CIT: variants seen among roughly 807,000 people sequenced by gnomAD.
CIT encodes the protein citron rho-interacting serine/threonine kinase.
CIT carries 79 observed loss-of-function variants against 272.7 expected under a neutral mutation model. That is an observed-to-expected ratio of 0.29 (90% confidence interval 0.24 to 0.35). The LOEUF is 0.35. Ranked by LOEUF, CIT falls within the 10% of genes least tolerant of loss-of-function variation. The pLI is 1.00. For synonymous variants in CIT, 948 were observed against 995.6 expected (o/e 0.95, Z 0.90); for missense variants, 1,909 against 2,618.3 (o/e 0.73, Z 5.91).
At position 119,717,948 on chromosome 12, in the gene CIT, C is replaced by T. The variant is rs1295890428; in HGVS notation, c.4168+297G>A. Among the ~76,000 whole-genome samples the T allele has an allele frequency of 6.7e-5, 10 of 149,062 alleles. No individual in the cohort carries two copies. In the Admixed American group the frequency reaches 6.7e-4, roughly 10 times the overall value. On this transcript the variant is annotated intron_variant, in intron 32 of 47. Transcript: ENST00000392521. ...CTCCGCCTCCCGGATTCAAGCAATT[C>T]TCCTGCCTCAGCCTCCCGAGTAGCT...
At position 119,781,681 on chromosome 12, in the gene CIT, T is replaced by C. The variant is rs566940844; in HGVS notation, c.1665+837A>G. Among the ~76,000 whole-genome samples, 4 of 146,594 alleles carry C rather than the reference T, an allele frequency of 2.7e-5. No individual in the cohort carries two copies. The South Asian group carries it at 8.7e-4, about 32-fold the overall frequency. On this transcript the variant is annotated intron_variant, in intron 13 of 47. Transcript: ENST00000392521. ...ACCCGTTTAGAAAGAAAAAAAAGAG[T>C]GGGCTTTTTAAAGGTCTCGATTCTC...
intron 5 of CIT, among the ~76,000 whole-genome samples, chr12:119,837,775 T>C (rs943275720): frequency 1.3e-5 from 2 of 152,140 alleles, no homozygotes; most frequent in South Asian, 2.1e-4. Context: ...AAGTGCTTGT[T>C]AAAAATAAGA....
Position 119,728,922 on chromosome 12 carries a change from C to T in CIT, c.3487-316G>A, listed in dbSNP as rs982171127. Reference sequence around the variant, plus strand: ...TAATTAAATAATCATACGCTGAATGCTTACTACCTGCATTATAGCTTTTAG... The same window carrying T: ...TAATTAAATAATCATACGCTGAATGTTTACTACCTGCATTATAGCTTTTAG... On this transcript the variant is annotated intron_variant, in intron 27 of 47. Coordinates refer to ENST00000392521, the MANE Select transcript of CIT (RefSeq NM_001206999.2). This position sits in a 1 kb window ranked among gnomAD's most constrained non-coding sequence, Gnocchi z 4.3. Among the ~76,000 whole-genome samples, 2 of 152,166 alleles carry T rather than the reference C, an allele frequency of 1.3e-5. No individual in the cohort carries two copies. Among genetic ancestry groups the T allele is most frequent in the Non-Finnish European group, 2.9e-5 (2 of 68,028 alleles).
chr12:119,702,136 G>A (rs1432431525), intron 41 of CIT, among the ~76,000 whole-genome samples, 178 bp from the exon 42 acceptor site: 4 of 146,670 alleles, frequency 2.7e-5, no homozygotes, highest in South Asian at 2.2e-4. Context: ...ACAAGATCTC[G>A]CTCTGTCACC....
intron 13 of CIT, among the ~76,000 whole-genome samples, chr12:119,777,697 C>A (rs1288076114): frequency 1.3e-5 from 2 of 150,502 alleles, no homozygotes; most frequent in Middle Eastern, 3.2e-3. Context: ...CAAAAAAAAA[C>A]ACTTTTAATG....
intron 9 of CIT, among the ~76,000 whole-genome samples, chr12:119,803,944 T>C (rs917555930): frequency 5.3e-5 from 8 of 152,086 alleles, no homozygotes; most frequent in African/African-American, 1.9e-4. Flanking sequence ...TGCAGTCTAC[T>C]TCATTCATAC....
rs375351743 is a variant in CIT, at chr12:119,710,509, C to T, written c.4935+31G>A. ...TTGATGGGGTGTGGCTGTAACCAGA[C>T]ACCAGCTGGCCGTGCCCATGCAAGC... On this transcript the variant is annotated intron_variant, in intron 38 of 47. Transcript: ENST00000392521. This position sits in a 1 kb window ranked among gnomAD's most constrained non-coding sequence, Gnocchi z 5.6. 1.5e-5 allele frequency: 25 copies of T among 1,613,688 alleles called. No homozygotes were observed. The African/African-American group carries it at 2.4e-4, about 15-fold the overall frequency.
chr12:119,736,895 A>G (rs1385025098), intron 24 of CIT, among the ~76,000 whole-genome samples: 1 of 152,226 alleles, frequency 6.6e-6, no homozygotes, highest in African/African-American at 2.4e-5. Flanking sequence ...TTCCCAAAGA[A>G]AAATAAGACA....
chr12:119,701,573 C>G, intron 43 of CIT, 51 bp downstream of exon 43: 1 of 1,597,664 alleles, frequency 6.3e-7, no homozygotes, highest in Non-Finnish European at 8.5e-7. Flanking sequence ...CCTCATGGGT[C>G]CCTAGTGTCC....
In CIT at chr12:119,825,359, T is replaced by A; in HGVS notation, c.763A>T (p.Lys255Ter). Residue 255 changes from lysine (K) to a stop codon, truncating the protein, a stop_gained, in exon 8 of 48, where the codon AAA becomes TAA. Transcript: ENST00000392521. LOFTEE classifies it high-confidence loss of function. ...KMNSNKMVNA[K>*]LPIGTPDYMA... ...TAATCTGGGGTCCCAATCGGGAGTT[T>A]GGCATTCACCTAGAATCCCATCAAT... is the stretch of plus-strand genomic sequence containing the variant. 6.2e-7 allele frequency: 1 copy of A among 1,613,988 alleles called. No individual in the cohort carries two copies. Among genetic ancestry groups the A allele is most frequent in the Non-Finnish European group, 8.5e-7 (1 of 1,179,990 alleles).
chr12:119,710,680 C>G lies in CIT; in HGVS notation c.4855-60G>C. On this transcript the variant is annotated intron_variant, in intron 37 of 47. Coordinates refer to ENST00000392521, the MANE Select transcript of CIT (RefSeq NM_001206999.2). The surrounding 1 kb of genome is among the most constrained non-coding windows in gnomAD (Gnocchi z 5.6). ...CATCGTGAGGCTGATCTGTTTATGA[C>G]CAAACCATCCAGAGAAACCAAGAGA... The G allele has an allele frequency of 6.8e-7, 1 of 1,480,728 alleles. No individual in the cohort carries two copies. The allele number at this position is 1,480,728 out of a possible 1,614,324, so 91.7% of individuals were successfully genotyped here.
intron 5 of CIT, among the ~76,000 whole-genome samples, chr12:119,835,206 G>A (rs1346349542): frequency 2.0e-5 from 3 of 152,188 alleles, no homozygotes; most frequent in South Asian, 2.1e-4. Flanking sequence ...TAGCTATAAG[G>A]CCAGTTAGCC....
At chr12:119,775,988 C>A in intron 15 of CIT, 149 bp from the exon 16 acceptor site, 1 of 633,840 alleles carries the variant, frequency 1.6e-6, no homozygotes, top group Non-Finnish European at 2.7e-6. Flanking sequence ...GAACAGTGGC[C>A]TCTCAGGGAA....
chr12:119,827,146 C>T (rs1233758652), intron 7 of CIT, among the ~76,000 whole-genome samples: 1 of 152,104 alleles, frequency 6.6e-6, no homozygotes, highest in African/African-American at 2.4e-5. Context: ...ATAAAACTTC[C>T]CCTGTAAGTG....
At chr12:119,725,140 T>G (rs994667341) in intron 28 of CIT, among the ~76,000 whole-genome samples, 1 of 152,034 alleles carries the variant, frequency 6.6e-6, no homozygotes, top group Non-Finnish European at 1.5e-5. Flanking sequence ...AGTCTCCTTA[T>G]AGGCCAGGCA....
At chr12:119,787,925 C>T (rs1964953539) in intron 10 of CIT, among the ~76,000 whole-genome samples, 1 of 152,138 alleles carries the variant, frequency 6.6e-6, no homozygotes, top group Non-Finnish European at 1.5e-5. Context: ...CAGTGCCTGG[C>T]ACACTGCAAG....
At chr12:119,725,260 T>C (rs1302260992) in intron 28 of CIT, among the ~76,000 whole-genome samples, 1 of 151,788 alleles carries the variant, frequency 6.6e-6, no homozygotes, top group African/African-American at 2.4e-5. Context: ...TTGTCTCTAC[T>C]AAAAATACAA....
chr12:119,703,311 C>T (rs1425724302), intron 41 of CIT, among the ~76,000 whole-genome samples: 2 of 152,074 alleles, frequency 1.3e-5, no homozygotes, highest in Admixed American at 6.6e-5. Flanking sequence ...CAGTCCCTTA[C>T]AGGGTGGGCA....
rs1396732969 is a variant in CIT, at chr12:119,770,757, T to A, written c.2208+28A>T. 1.2e-6 allele frequency: 2 copies of A among 1,612,718 alleles called. No individual in the cohort carries two copies. The highest frequency in any genetic ancestry group is 3.3e-5 in the Admixed American group (2 of 60,020). On this transcript the variant is annotated intron_variant, in intron 18 of 47. Coordinates refer to ENST00000392521, the MANE Select transcript of CIT (RefSeq NM_001206999.2). This position sits in a 1 kb window ranked among gnomAD's most constrained non-coding sequence, Gnocchi z 4.4. The stretch of plus-strand genomic sequence containing the variant: ...TTGCAAACTCTAACCTGTTATCTTT[T>A]AACTTTGCGACTTTCATTCCTGCTC...
Sources: allele counts gnomAD v4.1 joint callset (sites outside exome capture counted in the v4.1 genomes callset), GRCh38; gene constraint gnomAD v4.1.1; non-coding constraint Gnocchi (gnomAD v3.1); transcripts MANE v1.5; gene names NCBI Gene and HGNC (gene_info 2026-07-23, HGNC 2026-07-21).